Variants in AKAP7 observed in about 807,000 individuals in gnomAD.
The protein encoded by AKAP7 is A kinase (PRKA) anchor protein 7.
In AKAP7, 39 loss-of-function variants were observed where a neutral mutation model predicts 39.5. The observed-to-expected ratio is 0.99, with a 90% CI of 0.76 to 1.29. The LOEUF (loss-of-function observed/expected upper bound fraction) is 1.29. AKAP7 is among the 50% of genes most tolerant of loss of function. The pLI, the probability that AKAP7 is intolerant of heterozygous loss-of-function variation, is 0.00. For synonymous variants in AKAP7, 140 were observed against 139.1 expected, an observed-to-expected ratio of 1.01 and a Z score of -0.05; for missense variants, 414 against 407.7, an observed-to-expected ratio of 1.02 and a Z score of -0.13.
intron 7 of AKAP7, among the ~76,000 whole-genome samples, chr6:131,262,279 C>G (rs1017053089): frequency 3.3e-4 from 50 of 152,250 alleles, no homozygotes; most frequent in Middle Eastern, 3.4e-3. Context: ...TCTGCCTCCC[C>G]CTCTTGGCAG....
intron 7 of AKAP7, among the ~76,000 whole-genome samples, chr6:131,230,533 C>T (rs1335535412): frequency 6.6e-6 from 1 of 152,030 alleles, no homozygotes; most frequent in East Asian, 1.9e-4. Context: ...TTCTCCTGTT[C>T]TGTAGGTTGT....
chr6:131,211,948 C>T (rs1808701800), intron 6 of AKAP7, among the ~76,000 whole-genome samples: 1 of 152,134 alleles, frequency 6.6e-6, no homozygotes, highest in Non-Finnish European at 1.5e-5. Context: ...CCTAGCCTAG[C>T]CTACCTAAAT....
intron 6 of AKAP7, among the ~76,000 whole-genome samples, chr6:131,206,685 C>A (rs1808126507): frequency 6.6e-6 from 1 of 152,194 alleles, no homozygotes; most frequent in Non-Finnish European, 1.5e-5. Context: ...CCCTCCCTAA[C>A]TGTGAGCCCT....
intron 5 of AKAP7, among the ~76,000 whole-genome samples, chr6:131,192,492 C>T (rs755237209): frequency 8.5e-5 from 13 of 152,098 alleles, no homozygotes; most frequent in Non-Finnish European, 1.3e-4. Flanking sequence ...TTACTATAGC[C>T]CTGTAGTATA....
intron 6 of AKAP7, among the ~76,000 whole-genome samples, chr6:131,211,091 GT>G: frequency 6.6e-6 from 1 of 152,312 alleles, no homozygotes; most frequent in South Asian, 2.1e-4. Context: ...GATGTACAAA[GT>G]GGGTATGTGA....
intron 7 of AKAP7, among the ~76,000 whole-genome samples, chr6:131,228,624 G>A (rs1441346077): frequency 1.3e-5 from 2 of 152,048 alleles, no homozygotes; most frequent in Non-Finnish European, 2.9e-5. Context: ...TTACAGGTGT[G>A]AGCCACTGTG....
At chr6:131,188,457 T>C (rs1806084554) in intron 5 of AKAP7, among the ~76,000 whole-genome samples, 2 of 152,332 alleles carry the variant, frequency 1.3e-5, no homozygotes, top group South Asian at 4.1e-4. Context: ...CTTACAATAG[T>C]AGTAGAAAGT....
chr6:131,166,944 G>A (rs1349953248), intron 4 of AKAP7, among the ~76,000 whole-genome samples: 2 of 143,696 alleles, frequency 1.4e-5, no homozygotes, highest in Non-Finnish European at 3.1e-5. Flanking sequence ...TATGGAATGT[G>A]CAGATACTTA....
At chr6:131,257,366 T>TC (rs1183073206) in intron 7 of AKAP7, among the ~76,000 whole-genome samples, 2 of 63,164 alleles carry the variant, frequency 3.2e-5, no homozygotes, top group African/African-American at 1.2e-4. Context: ...AGGCCTTGTC[T>TC]CAAAAAAAAA....
chr6:131,161,684 A>AAAAAAAAAAAAAAAAAAAAG (rs1802978701), intron 3 of AKAP7, among the ~76,000 whole-genome samples: 1 of 132,044 alleles, frequency 7.6e-6, no homozygotes, highest in Non-Finnish European at 1.6e-5. Flanking sequence ...AAAAAAAAAA[A>AAAAAAAAAAAAAAAAAAAAG]TTAAAGGTCC....
chr6:131,181,480 G>C (rs1562190997), intron 5 of AKAP7, among the ~76,000 whole-genome samples: 1 of 152,118 alleles, frequency 6.6e-6, no homozygotes, highest in Non-Finnish European at 1.5e-5. Flanking sequence ...ATAGTCTCCT[G>C]GTCTACAGTC....
At chr6:131,146,882 G>T (rs1329611424) in intron 2 of AKAP7, among the ~76,000 whole-genome samples, 1 of 152,186 alleles carries the variant, frequency 6.6e-6, no homozygotes, top group South Asian at 2.1e-4. Flanking sequence ...TGGACATTGG[G>T]AATATTAAAA....
intron 5 of AKAP7, among the ~76,000 whole-genome samples, chr6:131,181,019 T>C (rs1466380469): frequency 6.8e-6 from 1 of 147,092 alleles, no homozygotes; most frequent in East Asian, 2.1e-4. Context: ...TGGCACTGTC[T>C]CAGCCTCCTG....
chr6:131,173,739 T>G (rs1336331055), intron 5 of AKAP7, among the ~76,000 whole-genome samples: 2 of 152,182 alleles, frequency 1.3e-5, no homozygotes, highest in African/African-American at 2.4e-5. Flanking sequence ...AACTTAATCT[T>G]TTCTTCTTGG....
chr6:131,224,818 C>T (rs1408666059), intron 7 of AKAP7, among the ~76,000 whole-genome samples: 3 of 142,418 alleles, frequency 2.1e-5, no homozygotes, highest in Non-Finnish European at 3.0e-5. Context: ...TTTGGCTTAC[C>T]ACAACCTCTA....
chr6:131,200,234 G>A lies in AKAP7; in HGVS notation c.702+661G>A, dbSNP rs3777469. On this transcript the variant is annotated intron_variant, in intron 6 of 7. Transcript: ENST00000431975. ...CCTTTATAGGCCACCCCTTCTTCCC[G>A]CAGAAGTCGGAGCAACTTTTGACTT... Among the ~76,000 whole-genome samples, 2,165 of 152,192 alleles carry A rather than the reference G, an allele frequency of 0.014. 142 individuals are homozygous for A. In the East Asian group the frequency reaches 0.17, roughly 12 times the overall value.
chr6:131,268,601 G>A (rs1442554528), intron 7 of AKAP7, among the ~76,000 whole-genome samples: 1 of 152,096 alleles, frequency 6.6e-6, no homozygotes, highest in Non-Finnish European at 1.5e-5. Context: ...GCAACTTATG[G>A]TTTATTTTAC....
At chr6:131,193,911 C>T (rs1449964071) in intron 5 of AKAP7, among the ~76,000 whole-genome samples, 2 of 151,982 alleles carry the variant, frequency 1.3e-5, no homozygotes, top group African/African-American at 4.8e-5. Context: ...TTTATCAGCT[C>T]TTATTTTATA....
intron 7 of AKAP7, among the ~76,000 whole-genome samples, chr6:131,272,345 C>T (rs1470920414): frequency 6.6e-6 from 1 of 151,942 alleles, no homozygotes; most frequent in African/African-American, 2.4e-5. Flanking sequence ...ATGTTCTCTA[C>T]TGTTTATCTG....
Sources: gnomAD v4.1 joint callset for allele counts (sites outside exome capture counted in the v4.1 genomes callset) on GRCh38, gnomAD v4.1.1 for gene constraint, MANE v1.5 for transcripts, NCBI Gene and HGNC (gene_info 2026-07-23, HGNC 2026-07-21) for gene names.